Variants in DLG2 observed in about 807,000 individuals in gnomAD.
DLG2 encodes the protein discs large MAGUK scaffold protein 2.
In DLG2, 45 loss-of-function variants were observed where a neutral mutation model predicts 132.5. That is an observed-to-expected ratio of 0.34 (90% confidence interval 0.27 to 0.44). DLG2 has a LOEUF of 0.44. DLG2 is among the 20% of genes least tolerant of loss of function. DLG2 has a pLI of 1.00. For synonymous variants in DLG2, 424 were observed against 419.6 expected (o/e 1.01, Z -0.13); for missense variants, 1,045 against 1,196.9 (o/e 0.87, Z 1.87).
intron 3 of DLG2, among the ~76,000 whole-genome samples, chr11:85,501,365 G>A (rs142673932): frequency 0.036 from 5,512 of 152,086 alleles, 149 homozygotes; most frequent in Admixed American, 0.053. Context: ...ATGGGCAAAG[G>A]CTTCATGTCT....
rs540671194 is a variant in DLG2, at chr11:84,942,539, C to T, written c.357+169122G>A. On this transcript the variant is annotated intron_variant, in intron 6 of 27. Coordinates refer to ENST00000376104, the MANE Select transcript of DLG2 (RefSeq NM_001142699.3). Reference sequence around the variant, plus strand: ...TGCATATTTAATACTTCCCAAAGTTCCTCTTATTATTGATTTTTAGTTTTA... The same window carrying T: ...TGCATATTTAATACTTCCCAAAGTTTCTCTTATTATTGATTTTTAGTTTTA... Among the ~76,000 whole-genome samples the T allele has an allele frequency of 4.6e-5, 7 of 152,140 alleles. No individual in the cohort carries two copies. The South Asian group carries it at 1.5e-3, about 32-fold the overall frequency.
chr11:85,135,122 G>A (rs746296114), intron 5 of DLG2, among the ~76,000 whole-genome samples: 5 of 152,114 alleles, frequency 3.3e-5, no homozygotes, highest in Admixed American at 6.5e-5. Flanking sequence ...ATGTACCAGC[G>A]TGTTTCCCTG....
chr11:85,352,378 T>C (rs771732171), intron 3 of DLG2, among the ~76,000 whole-genome samples: 1 of 152,208 alleles, frequency 6.6e-6, no homozygotes, highest in Non-Finnish European at 1.5e-5. Flanking sequence ...ATTCACTGAT[T>C]TTTTGAAGGG....
chr11:83,861,263 C>A (rs2061409694), intron 16 of DLG2, among the ~76,000 whole-genome samples: 1 of 152,148 alleles, frequency 6.6e-6, no homozygotes, highest in African/African-American at 2.4e-5. Context: ...AAAGGGAATC[C>A]TTTTACATTG....
intron 10 of DLG2, among the ~76,000 whole-genome samples, chr11:84,062,237 A>G (rs748467772): frequency 2.0e-5 from 3 of 152,196 alleles, no homozygotes; most frequent in Non-Finnish European, 2.9e-5. Flanking sequence ...AGCAGTCAGG[A>G]GGCCTGGATT....
chr11:83,871,415 A>G (rs2063415786), intron 16 of DLG2, among the ~76,000 whole-genome samples: 1 of 152,242 alleles, frequency 6.6e-6, no homozygotes, highest in Admixed American at 6.5e-5. Flanking sequence ...GTAAATAGCA[A>G]CTTGGGTGAA....
At chr11:84,980,785 C>T (rs922848467) in intron 6 of DLG2, among the ~76,000 whole-genome samples, 3 of 152,144 alleles carry the variant, frequency 2.0e-5, no homozygotes, top group African/African-American at 4.8e-5. Flanking sequence ...AGCTATGTTT[C>T]CTATGATTCC....
At chr11:84,490,586 A>G (rs2099162230) in intron 7 of DLG2, among the ~76,000 whole-genome samples, 1 of 151,528 alleles carries the variant, frequency 6.6e-6, no homozygotes, top group African/African-American at 2.4e-5. Flanking sequence ...ATGTCTTGAC[A>G]GAAACAAGCA....
At chr11:84,356,997 T>C (rs1483154286) in intron 7 of DLG2, among the ~76,000 whole-genome samples, 1 of 151,142 alleles carries the variant, frequency 6.6e-6, no homozygotes, top group Non-Finnish European at 1.5e-5. Context: ...AGTAAGAGAG[T>C]TGCACGATGA....
At chr11:83,932,337 C>T (rs2080434589) in intron 14 of DLG2, among the ~76,000 whole-genome samples, 1 of 152,012 alleles carries the variant, frequency 6.6e-6, no homozygotes, top group African/African-American at 2.4e-5. Flanking sequence ...TGGGTTCACG[C>T]CATTCTCCTG....
At chr11:84,487,442 G>A (rs1022880034) in intron 7 of DLG2, among the ~76,000 whole-genome samples, 1 of 151,864 alleles carries the variant, frequency 6.6e-6, no homozygotes, top group South Asian at 2.1e-4. Flanking sequence ...AATCTCTCTG[G>A]GTATATAGCT....
chr11:85,484,984 A>C (rs1168358886), intron 3 of DLG2, among the ~76,000 whole-genome samples: 9 of 152,262 alleles, frequency 5.9e-5, no homozygotes, highest in African/African-American at 1.2e-4. Flanking sequence ...TGGATTAAGA[A>C]AATGTGGCAC....
At chr11:84,015,485 T>C (rs2154070301) in intron 11 of DLG2, among the ~76,000 whole-genome samples, 2 of 152,244 alleles carry the variant, frequency 1.3e-5, no homozygotes, top group South Asian at 4.1e-4. Flanking sequence ...ATCACCCAGG[T>C]ATTAATCCCA....
At chr11:84,645,650 G>C (rs1439258950) in intron 6 of DLG2, among the ~76,000 whole-genome samples, 5 of 152,052 alleles carry the variant, frequency 3.3e-5, no homozygotes, top group Admixed American at 6.5e-5. Flanking sequence ...TGTATTTTTA[G>C]TAGAGATGGG....
intron 19 of DLG2, among the ~76,000 whole-genome samples, chr11:83,550,354 T>C (rs7926588): frequency 0.37 from 55,853 of 151,930 alleles, 10,429 homozygotes; most frequent in Middle Eastern, 0.53. Flanking sequence ...CACCAAGAGA[T>C]GTGGTATGAG....
intron 8 of DLG2, among the ~76,000 whole-genome samples, chr11:84,178,286 A>G (rs1264628428): frequency 6.6e-6 from 1 of 152,184 alleles, no homozygotes; most frequent in Non-Finnish European, 1.5e-5. Flanking sequence ...TAAGGTTGCA[A>G]TACTGGCTGG....
chr11:84,502,312 T>C (rs1314362976), intron 7 of DLG2, among the ~76,000 whole-genome samples: 6 of 4,184 alleles, frequency 1.4e-3, no homozygotes, highest in Non-Finnish European at 2.2e-3. Flanking sequence ...CTTTCTTTCT[T>C]TCTTTCTTTC....
chr11:84,367,016 T>C (rs1037892255), intron 7 of DLG2, among the ~76,000 whole-genome samples: 2 of 152,138 alleles, frequency 1.3e-5, no homozygotes, highest in African/African-American at 4.8e-5. Context: ...TATACATTTT[T>C]TTCAGCACCA....
rs186848447 is a variant in DLG2, at chr11:83,692,507, T to G, written c.1826-59182A>C. On this transcript the variant is annotated intron_variant, in intron 18 of 27. Coordinates refer to ENST00000376104, the MANE Select transcript of DLG2 (RefSeq NM_001142699.3). ...GTAGGGGGTGGGAGGAAATGAGGAG[T>G]TGCTAATAGTTATGGGGTTTCTTTT... is the stretch of plus-strand genomic sequence containing the variant. Among the ~76,000 whole-genome samples the G allele has an allele frequency of 2.0e-4, 30 of 151,746 alleles. No homozygotes were observed. The East Asian group carries it at 3.7e-3, about 19-fold the overall frequency.
Sources: allele counts gnomAD v4.1 joint callset (sites outside exome capture counted in the v4.1 genomes callset), GRCh38; gene constraint gnomAD v4.1.1; transcripts MANE v1.5; gene names NCBI Gene and HGNC (gene_info 2026-07-23, HGNC 2026-07-21).